Variants in ZUP1 observed in about 807,000 individuals in gnomAD.
The protein encoded by ZUP1 is zinc finger containing ubiquitin peptidase 1, also known as zinc finger-containing ubiquitin peptidase 1.
A neutral mutation model predicts 68.1 loss-of-function variants in ZUP1; 55 were observed. That is an observed-to-expected ratio of 0.81 (90% CI 0.65 to 1.01). ZUP1 has a LOEUF of 1.01. ZUP1 is among the 50% of genes least tolerant of loss of function. ZUP1 has a pLI of 0.00. For synonymous variants in ZUP1, 223 were observed against 221.5 expected (o/e 1.01, Z -0.06); for missense variants, 684 against 674.9 (o/e 1.01, Z -0.15).
intron 5 of ZUP1, among the ~76,000 whole-genome samples, chr6:116,655,091 A>G (rs543050997): frequency 1.8e-4 from 28 of 152,200 alleles, no homozygotes; most frequent in Non-Finnish European, 3.8e-4. Flanking sequence ...TGAAAACAAG[A>G]TAAGTTAGCT....
chr6:116,651,889 G>C (rs9400947), intron 6 of ZUP1, 115 bp downstream of exon 6: 1 of 1,410,654 alleles, frequency 7.1e-7, no homozygotes. Flanking sequence ...CCAGAATTCA[G>C]GTTTCTTATA....
Position 116,651,712 on chromosome 6 carries a change from T to G in ZUP1, c.1176A>C (p.Lys392Asn), listed in dbSNP as rs558317349. Residue 392 changes from lysine to asparagine, a missense_variant, in exon 7 of 10, where the codon AAA becomes AAC. Physicochemically the swap from Lys to Asn is moderately conservative, Grantham distance 94. Transcript: ENST00000368576. Reference protein sequence around the residue: ...LKGMLIPCIPKIQSMIEDAWK... With the variant: ...LKGMLIPCIPNIQSMIEDAWK... ...ATGCATCTTCAATCATAGATTGAAT[T>G]TTTGGAATGCAAGGAATCAACATAC... 6.2e-7 allele frequency: 1 copy of G among 1,613,710 alleles called. No homozygotes were observed. Among genetic ancestry groups the G allele is most frequent in the East Asian group, 2.2e-5 (1 of 44,840 alleles).
intron 2 of ZUP1, among the ~76,000 whole-genome samples, 185 bp downstream of exon 2, chr6:116,666,449 C>G (rs1385522526): frequency 6.6e-6 from 1 of 152,300 alleles, no homozygotes; most frequent in East Asian, 1.9e-4. Flanking sequence ...CATTTTATAT[C>G]TGCATTAAAA....
At chr6:116,640,897 T>C (rs1442067676) in intron 9 of ZUP1, among the ~76,000 whole-genome samples, 7 of 148,830 alleles carry the variant, frequency 4.7e-5, no homozygotes, top group South Asian at 2.2e-4. Flanking sequence ...GACTGGCAAA[T>C]TGGATAAAGA....
chr6:116,659,834 C>T (rs1776783730), intron 3 of ZUP1, among the ~76,000 whole-genome samples: 1 of 152,160 alleles, frequency 6.6e-6, no homozygotes, highest in Non-Finnish European at 1.5e-5. Flanking sequence ...AATTATATCA[C>T]TGACTATTCT....
intron 1 of ZUP1, among the ~76,000 whole-genome samples, chr6:116,667,483 C>A (rs1450264207): frequency 6.6e-6 from 1 of 150,422 alleles, no homozygotes; most frequent in African/African-American, 2.5e-5. Context: ...GAAAAAATAA[C>A]GTTTAAAAAA....
At chr6:116,642,412 A>G (rs908212376) in intron 9 of ZUP1, among the ~76,000 whole-genome samples, 4 of 152,096 alleles carry the variant, frequency 2.6e-5, no homozygotes, top group African/African-American at 9.7e-5. Context: ...AATATCCTTG[A>G]TGAACATTGA....
At chr6:116,649,088 C>CATTTAG (rs1776401268) in intron 7 of ZUP1, among the ~76,000 whole-genome samples, 1 of 151,712 alleles carries the variant, frequency 6.6e-6, no homozygotes. Context: ...AGGAGAAAAG[C>CATTTAG]AGGAATAAAT....
intron 9 of ZUP1, among the ~76,000 whole-genome samples, chr6:116,642,203 C>A (rs1458022757): frequency 6.6e-6 from 1 of 152,030 alleles, no homozygotes; most frequent in Non-Finnish European, 1.5e-5. Context: ...AATAGCTTAC[C>A]AACCAAAAAG....
At chr6:116,637,879 A>G (rs933238261) in intron 9 of ZUP1, among the ~76,000 whole-genome samples, 1 of 152,112 alleles carries the variant, frequency 6.6e-6, no homozygotes, top group African/African-American at 2.4e-5. Context: ...CCTGGCTAAC[A>G]TGGTGAAACC....
rs372984124 is a variant in ZUP1, at chr6:116,641,460, G to A, written c.1689+4254C>T. ...GGAAGTAAAGCTCTCCTCAGCAAATGTAAAAGAACAGAAATTATAACAAAC... is the reference window on the plus strand; with the variant it reads ...GGAAGTAAAGCTCTCCTCAGCAAATATAAAAGAACAGAAATTATAACAAAC... On this transcript the variant is annotated intron_variant, in intron 9 of 9. Transcript: ENST00000368576. Among the ~76,000 whole-genome samples the A allele has an allele frequency of 6.5e-3, 986 of 151,962 alleles. 26 individuals carry two copies. In the South Asian group the frequency reaches 0.087, roughly 13 times the overall value.
intron 4 of ZUP1, among the ~76,000 whole-genome samples, chr6:116,658,424 T>G (rs1041163966): frequency 6.6e-6 from 1 of 152,204 alleles, no homozygotes; most frequent in Non-Finnish European, 1.5e-5. Context: ...TACAAACACT[T>G]AAATTCTGAG....
chr6:116,659,208 C>T (rs1182357702), intron 3 of ZUP1, among the ~76,000 whole-genome samples: 1 of 152,206 alleles, frequency 6.6e-6, no homozygotes, highest in Non-Finnish European at 1.5e-5. Flanking sequence ...CAGCTCACTG[C>T]AACCTCTGCC....
chr6:116,643,968 C>T (rs945876309), intron 9 of ZUP1, among the ~76,000 whole-genome samples: 31 of 152,078 alleles, frequency 2.0e-4, no homozygotes, highest in Non-Finnish European at 3.8e-4. Flanking sequence ...CCAGAATCTA[C>T]AATGAACTCA....
chr6:116,652,192 C>T lies in ZUP1; in HGVS notation c.962G>A (p.Gly321Glu). Residue 321 changes from glycine (G) to glutamate (E), a missense_variant and splice_region_variant, in exon 6 of 10, where the codon GGA becomes GAA. Transcript: ENST00000368576. ...GFDDGKTKTS[G>E]IIEALHRYYQ... is the part of the protein sequence containing the mutation. ...ATACCTATGAAGTGCTTCAATAATT[C>T]CTAAAGTAGAAAAGAGATTCAGAAG... 6.2e-7 allele frequency: 1 copy of T among 1,608,696 alleles called. No individual in the cohort carries two copies. Among genetic ancestry groups the T allele is most frequent in the South Asian group, 1.1e-5 (1 of 90,084 alleles).
chr6:116,660,682 G>T, intron 3 of ZUP1, 54 bp downstream of exon 3: 3 of 1,001,702 alleles, frequency 3.0e-6, no homozygotes, highest in Non-Finnish European at 4.5e-6. Context: ...TTAGATATGT[G>T]TCCTAGAAAG....
chr6:116,648,327 T>TTAAA (rs1583367719), intron 7 of ZUP1, among the ~76,000 whole-genome samples: 1 of 152,220 alleles, frequency 6.6e-6, no homozygotes. Context: ...TATCATCACT[T>TTAAA]TAAACTACAG....
Position 116,647,519 on chromosome 6 carries a change from C to A in ZUP1, c.1408G>T (p.Gly470Ter). The stretch of plus-strand genomic sequence containing the variant: ...CACACTACCTTTGGACTCCCTTCTC[C>A]CTCTGAAGAATAATAGTTCAATATC... Reference protein sequence around the residue: ...EWILNYYSSEGEGSPKVVCTS... With the variant: ...EWILNYYSSE The change falls in exon 8 of 10, where the codon GGA (glycine) becomes TGA (stop). Residue 470 changes from glycine (G) to a stop codon, truncating the protein, a stop_gained. Transcript: ENST00000368576. LOFTEE classifies it high-confidence loss of function. The A allele has an allele frequency of 6.2e-7, 1 of 1,600,730 alleles. No individual in the cohort carries two copies. Among genetic ancestry groups the A allele is most frequent in the Non-Finnish European group, 8.5e-7 (1 of 1,170,988 alleles).
rs1018979459 is a variant in ZUP1 at position 116,646,082 on chromosome 6, C to T, written c.1469-148G>A. 8 of 506,776 alleles carry T rather than the reference C, an allele frequency of 1.6e-5. No homozygotes were observed. In the East Asian group the frequency reaches 1.6e-4, roughly 10 times the overall value. 31.4% of individuals were successfully genotyped at this position (506,776 alleles called of 1,614,324 possible). ...CATATGTATCTAAGTTCTCCTAAGA[C>T]GTAAGAGTTTAGTTCTACTTCAGTT... On this transcript the variant is annotated intron_variant, in intron 8 of 9. Coordinates refer to ENST00000368576, the MANE Select transcript of ZUP1 (RefSeq NM_145062.3).
Sources: allele counts gnomAD v4.1 joint callset (sites outside exome capture counted in the v4.1 genomes callset), GRCh38; gene constraint gnomAD v4.1.1; transcripts MANE v1.5; gene names NCBI Gene and HGNC (gene_info 2026-07-23, HGNC 2026-07-21).